EPHA8: variants seen among roughly 807,000 people sequenced by gnomAD.
The protein encoded by EPHA8 is EPH receptor A8.
Under a neutral mutation model 103.6 loss-of-function variants are expected in EPHA8, and 58 were observed. The observed-to-expected ratio is 0.56, with a 90% confidence interval of 0.45 to 0.70. The LOEUF is 0.70. EPHA8 is among the 30% of genes least tolerant of loss of function. EPHA8 has a pLI of 0.00. For synonymous variants in EPHA8, 559 were observed against 572.5 expected (o/e 0.98, Z 0.34); for missense variants, 1,304 against 1,395.2 (o/e 0.93, Z 1.04).
intron 5 of EPHA8, 22 bp from the exon 6 acceptor site, chr1:22,593,304 C>T (rs1641421995): frequency 1.3e-6 from 2 of 1,550,600 alleles, no homozygotes; most frequent in African/African-American, 2.7e-5. Context: ...CTCCGCCCAT[C>T]TGACGGGATT....
intron 3 of EPHA8, among the ~76,000 whole-genome samples, chr1:22,579,222 T>TATGC (rs1177312991): frequency 6.6e-6 from 1 of 151,856 alleles, no homozygotes; most frequent in Non-Finnish European, 1.5e-5. Context: ...TGTGTGTATG[T>TATGC]ATGCATGTGT....
At chr1:22,582,016 C>G (rs1641060424) in intron 3 of EPHA8, among the ~76,000 whole-genome samples, 1 of 152,206 alleles carries the variant, frequency 6.6e-6, no homozygotes, top group Admixed American at 6.5e-5. Flanking sequence ...CCTGGAGAAG[C>G]CCTTGACCTC....
intron 2 of EPHA8, among the ~76,000 whole-genome samples, chr1:22,574,391 C>T (rs1453133148): frequency 6.6e-6 from 1 of 152,232 alleles, no homozygotes; most frequent in Non-Finnish European, 1.5e-5. Context: ...ATTCACATTG[C>T]TGTGTGGCCA....
intron 13 of EPHA8, among the ~76,000 whole-genome samples, 159 bp downstream of exon 13, chr1:22,599,206 C>A (rs1641610164): frequency 6.6e-6 from 1 of 152,234 alleles, no homozygotes; most frequent in South Asian, 2.1e-4. Flanking sequence ...CACGCCAGTG[C>A]CTTCCTCTGG....
At chr1:22,596,433 G>A (rs1641520430) in intron 9 of EPHA8, among the ~76,000 whole-genome samples, 1 of 152,114 alleles carries the variant, frequency 6.6e-6, no homozygotes, top group African/African-American at 2.4e-5. Context: ...TTTCGGGGTG[G>A]GAGTGCATAT....
intron 5 of EPHA8, among the ~76,000 whole-genome samples, chr1:22,593,008 C>T (rs984549085): frequency 9.9e-5 from 15 of 152,176 alleles, no homozygotes; most frequent in Admixed American, 2.0e-4. Context: ...ACCTTTCCTC[C>T]TTCCTCAAGC....
chr1:22,568,327 C>T (rs1177625777), intron 1 of EPHA8, among the ~76,000 whole-genome samples: 1 of 152,214 alleles, frequency 6.6e-6, no homozygotes, highest in African/African-American at 2.4e-5. Flanking sequence ...GTCCCCTTTG[C>T]AGAGGGCCTG....
In EPHA8 at chr1:22,600,880, A is replaced by G; in HGVS notation, c.2539-18A>G. 1.3e-6 allele frequency: 2 copies of G among 1,595,414 alleles called. No homozygotes were observed. Among genetic ancestry groups the G allele is most frequent in the Non-Finnish European group, 1.7e-6 (2 of 1,169,740 alleles). On this transcript the variant is annotated intron_variant, in intron 14 of 16. Transcript: ENST00000166244. ...GGTGCAGGGAGGGACGGCTGAGCCC[A>G]GCGCTGATCCCCTGCAGGTCATCAG...
At chr1:22,584,898 A>G (rs1641146280) in intron 3 of EPHA8, among the ~76,000 whole-genome samples, 1 of 152,164 alleles carries the variant, frequency 6.6e-6, no homozygotes, top group Admixed American at 6.5e-5. Flanking sequence ...CTCTGTTTGC[A>G]AGGATCTGCC....
At chr1:22,596,684 CAG>C (rs1455558290) in intron 9 of EPHA8, among the ~76,000 whole-genome samples, 1 of 150,792 alleles carries the variant, frequency 6.6e-6, no homozygotes, top group Admixed American at 6.6e-5. Flanking sequence ...TTTTCTGAGA[CAG>C]AGTCTCACTC....
In EPHA8 at chr1:22,601,190, A is replaced by AG. The variant is rs1432667677; in HGVS notation, c.2729+103dup. The AG allele has an allele frequency of 7.2e-6, 11 of 1,527,602 alleles. No homozygotes were observed. The East Asian group carries it at 2.3e-4, about 31-fold the overall frequency. The allele number at this position is 1,527,602 out of a possible 1,614,324, so 94.6% of individuals were successfully genotyped here. ...TGGCCCTGACACTAGGACCAGGCCC[A>AG]GCCTGGGCCCCCGGCCCCTGCCCTG... is the stretch of plus-strand genomic sequence containing the variant. On this transcript the variant is annotated intron_variant, in intron 15 of 16. Transcript: ENST00000166244.
intron 5 of EPHA8, among the ~76,000 whole-genome samples, chr1:22,590,744 G>C (rs984116006): frequency 6.7e-6 from 1 of 149,786 alleles, no homozygotes; most frequent in Non-Finnish European, 1.5e-5. Flanking sequence ...CAGGGCCCAT[G>C]ACTTTGAATT....
intron 16 of EPHA8, 64 bp from the exon 17 acceptor site, chr1:22,601,563 C>G: frequency 6.3e-7 from 1 of 1,591,776 alleles, no homozygotes; most frequent in Non-Finnish European, 8.6e-7. Flanking sequence ...ATCCATGGCC[C>G]TGGCTGCGTG....
At chr1:22,590,496 G>A (rs1280142603) in intron 5 of EPHA8, among the ~76,000 whole-genome samples, 3 of 152,006 alleles carry the variant, frequency 2.0e-5, no homozygotes, top group Admixed American at 1.3e-4. Flanking sequence ...GCAGCCCTGC[G>A]TGGCCACATC....
chr1:22,581,862 G>A (rs529732731), intron 3 of EPHA8, among the ~76,000 whole-genome samples: 6 of 152,318 alleles, frequency 3.9e-5, no homozygotes, highest in Non-Finnish European at 5.9e-5. Context: ...GTTTTAAGTC[G>A]CACAAGGAAA....
In EPHA8 at chr1:22,589,680, C is replaced by G. The variant is rs961865027; in HGVS notation, c.1315+474C>G. The G allele has an allele frequency of 2.0e-5, 23 of 1,126,230 alleles. No individual in the cohort carries two copies. The highest frequency in any genetic ancestry group is 2.4e-5 in the Non-Finnish European group (22 of 921,710). The allele number at this position is 1,126,230 out of a possible 1,614,324, so 69.8% of individuals were successfully genotyped here. A position where few individuals can be genotyped will look rare whatever the true frequency, so the allele number is the denominator to read the frequency against. On this transcript the variant is annotated intron_variant, in intron 5 of 16. Transcript: ENST00000166244. The surrounding 1 kb of genome is among the most constrained non-coding windows in gnomAD (Gnocchi z 4.3). ...ACAGCTGCCCTTGGGATAGACTTGG[C>G]TGCACTGGCTTGGACCACAGTAGTT...
chr1:22,594,075 C>G (rs1641450666), intron 7 of EPHA8, among the ~76,000 whole-genome samples: 1 of 152,234 alleles, frequency 6.6e-6, no homozygotes, highest in Admixed American at 6.5e-5. Flanking sequence ...TTGTGATCCA[C>G]CCGCCTCAGC....
Position 22,588,974 on chromosome 1 carries a change from C to T in EPHA8, c.1083C>T (p.Thr361=). The T allele has an allele frequency of 6.2e-7, 1 of 1,613,608 alleles. No individual in the cohort carries two copies. The highest frequency in any genetic ancestry group is 1.6e-4 in the Middle Eastern group (1 of 6,062). Residue 361 remains threonine, a synonymous_variant, in exon 5 of 17, where the codon ACC becomes ACT. Transcript: ENST00000166244. ...PLDPGGRSDI[T]YNAVCRRCPW... is the part of the protein sequence containing the mutation. ...ACCCAGGTGGCCGCAGTGACATCAC[C>T]TACAATGCCGTGTGCCGCCGCTGCC...
rs995852988 is a variant in EPHA8 at position 22,567,107 on chromosome 1, C to T, written c.95-2182C>T. Among the ~76,000 whole-genome samples the T allele has an allele frequency of 1.3e-5, 2 of 152,166 alleles. No individual in the cohort carries two copies. The highest frequency in any genetic ancestry group is 6.5e-5 in the Admixed American group (1 of 15,280). On this transcript the variant is annotated intron_variant, in intron 1 of 16. Coordinates refer to ENST00000166244, the MANE Select transcript of EPHA8 (RefSeq NM_020526.5). The surrounding 1 kb of genome is among the most constrained non-coding windows in gnomAD (Gnocchi z 4.2). ...AGAGCGGTGTCTGCAGGCCCTGAAG[C>T]CTGCACGCTCCAGGGCGAGAATCCT...
Sources: allele counts gnomAD v4.1 joint callset (sites outside exome capture counted in the v4.1 genomes callset), GRCh38; gene constraint gnomAD v4.1.1; non-coding constraint Gnocchi (gnomAD v3.1); transcripts MANE v1.5; gene names NCBI Gene and HGNC (gene_info 2026-07-23, HGNC 2026-07-21).